UGT1A8: variants seen among roughly 807,000 people sequenced by gnomAD.
The protein encoded by UGT1A8 is UDP glucuronosyltransferase family 1 member A8, also known as UDP-glucuronosyltransferase 1A8.
UGT1A8 carries 39 observed loss-of-function variants against 45.3 expected under a neutral mutation model. That is an observed-to-expected ratio of 0.86 (90% CI 0.67 to 1.12). UGT1A8 has a LOEUF of 1.12. UGT1A8 is among the 50% of genes most tolerant of loss of function. The probability of loss-of-function intolerance (pLI) is 0.00; values close to 1 mark genes in which losing one functional copy is unlikely to be tolerated. For synonymous variants in UGT1A8, 275 were observed against 249.2 expected, an observed-to-expected ratio of 1.10 and a Z score of -0.97; for missense variants, 719 against 664.9, an observed-to-expected ratio of 1.08 and a Z score of -0.90.
chr2:233,690,518 A>G, intron 1 of UGT1A8: 1 of 1,289,690 alleles, frequency 7.8e-7, no homozygotes, highest in Non-Finnish European at 1.0e-6. Context: ...GTTTTATCTT[A>G]GGATCTACTT....
intron 1 of UGT1A8, chr2:233,682,655 A>G (rs894073173): frequency 6.2e-7 from 1 of 1,613,884 alleles, no homozygotes; most frequent in East Asian, 2.2e-5. Flanking sequence ...AACCCCTGTC[A>G]CGGCATATGA....
chr2:233,755,312 G>A (rs976147893), intron 1 of UGT1A8: 4 of 551,240 alleles, frequency 7.3e-6, no homozygotes, highest in South Asian at 3.7e-5. Flanking sequence ...CACAGCGAGC[G>A]GCAAGGCTGC....
chr2:233,652,944 A>G (rs1575402816), intron 1 of UGT1A8, among the ~76,000 whole-genome samples: 1 of 152,344 alleles, frequency 6.6e-6, no homozygotes, highest in East Asian at 1.9e-4. Flanking sequence ...TGTATGAGAA[A>G]CAACAACAAC....
rs945545582 is a variant in UGT1A8, at chr2:233,772,813, G to A, written c.*254G>A. On this transcript the variant is annotated 3_prime_UTR_variant, in exon 5 of 5. Coordinates refer to ENST00000373450, the MANE Select transcript of UGT1A8 (RefSeq NM_019076.5). ...TGACATGTGCCATTTTTCAGAGGAC[G>A]TGCAGACAGGCTGGCATTCTAGATT... 2 of 1,026,302 alleles carry A rather than the reference G, an allele frequency of 1.9e-6. No individual in the cohort carries two copies. Among genetic ancestry groups the A allele is most frequent in the Admixed American group, 3.1e-5 (1 of 32,076 alleles). 63.6% of individuals were successfully genotyped at this position (1,026,302 alleles called of 1,614,324 possible).
rs1469426427 is a variant in UGT1A8, at chr2:233,723,650, T to C, written c.856-43384T>C. Among the ~76,000 whole-genome samples, 5 of 102,194 alleles carry C rather than the reference T, an allele frequency of 4.9e-5. 1 individual carries two copies. Among genetic ancestry groups the C allele is most frequent in the African/African-American group, 1.4e-4 (3 of 21,894 alleles). 67.0% of individuals were successfully genotyped at this position (102,194 alleles called of 152,430 possible). A position where few individuals can be genotyped will look rare whatever the true frequency, so the allele number is the denominator to read the frequency against. On this transcript the variant is annotated intron_variant, in intron 1 of 4. Coordinates refer to ENST00000373450, the MANE Select transcript of UGT1A8 (RefSeq NM_019076.5). ...AGATAAACAAGTGAACAAAGGTCTC[T>C]GGTTTTCCCAGGCAGAGGACCCTGC...
At chr2:233,755,919 G>T (rs1439576672) in intron 1 of UGT1A8, 1 of 148,990 alleles carries the variant, frequency 6.7e-6, no homozygotes, top group Non-Finnish European at 1.5e-5. Context: ...GAGAAGAGTG[G>T]CATCGTTTTA....
intron 1 of UGT1A8, among the ~76,000 whole-genome samples, chr2:233,656,068 T>C (rs1404792004): frequency 6.6e-6 from 1 of 151,754 alleles, no homozygotes; most frequent in Non-Finnish European, 1.5e-5. Context: ...AGGGATGGGG[T>C]AGGAGCTTTA....
intron 1 of UGT1A8, among the ~76,000 whole-genome samples, chr2:233,668,535 T>G (rs2074122304): frequency 6.6e-6 from 1 of 152,234 alleles, no homozygotes; most frequent in Non-Finnish European, 1.5e-5. Flanking sequence ...TGTGTCTTTA[T>G]AGTACCATGA....
intron 1 of UGT1A8, among the ~76,000 whole-genome samples, chr2:233,759,074 G>A (rs550324440): frequency 5.3e-5 from 8 of 152,342 alleles, no homozygotes; most frequent in African/African-American, 1.9e-4. Flanking sequence ...GAATTTGGAA[G>A]AAAGAGACTT....
At chr2:233,703,008 A>T (rs1220956352) in intron 1 of UGT1A8, among the ~76,000 whole-genome samples, 1 of 152,230 alleles carries the variant, frequency 6.6e-6, no homozygotes, top group Admixed American at 6.5e-5. Context: ...TTTTGGGAAC[A>T]GTCTGTCAAG....
chr2:233,618,550 G>A lies in UGT1A8; in HGVS notation c.843G>A (p.Lys281=), dbSNP rs761828480. 5 of 1,613,270 alleles carry A rather than the reference G, an allele frequency of 3.1e-6. No homozygotes were observed. Among genetic ancestry groups the A allele is most frequent in the Middle Eastern group, 1.6e-4 (1 of 6,078 alleles). Residue 281 remains lysine (K), a synonymous_variant, in exon 1 of 5, where the codon AAG becomes AAA. Transcript: ENST00000373450. The stretch of plus-strand genomic sequence containing the variant: ...GTGGTATCAACTGCCATCAGGGAAA[G>A]CCATTGCCTATGGTAAGTCACCTCT... ...FIGGINCHQG[K]PLPMEFEAYI...
chr2:233,650,661 C>G lies in UGT1A8; in HGVS notation c.855+32099C>G, dbSNP rs369426959. Reference sequence around the variant, plus strand: ...TCAGTGATTTCACCATTCTTCCACTCATATCTCAGCATAAATTTTATGCTA... The same window carrying G: ...TCAGTGATTTCACCATTCTTCCACTGATATCTCAGCATAAATTTTATGCTA... On this transcript the variant is annotated intron_variant, in intron 1 of 4. Transcript: ENST00000373450. 6.6e-5 allele frequency among the ~76,000 whole-genome samples: 10 copies of G among 152,268 alleles called. No individual in the cohort carries two copies. In the East Asian group the frequency reaches 1.7e-3, roughly 26 times the overall value.
Position 233,672,096 on chromosome 2 carries a change from G to C in UGT1A8, c.855+53534G>C, listed in dbSNP as rs774353218. On this transcript the variant is annotated intron_variant, in intron 1 of 4. Coordinates refer to ENST00000373450, the MANE Select transcript of UGT1A8 (RefSeq NM_019076.5). ...AGAAACTCATTCTCAGGGGGCATGAGGTGGTTGTAGTCATGCCAGAGGTGA... is the reference window on the plus strand; with the variant it reads ...AGAAACTCATTCTCAGGGGGCATGACGTGGTTGTAGTCATGCCAGAGGTGA... The C allele has an allele frequency of 2.3e-5, 37 of 1,614,176 alleles. No individual in the cohort carries two copies. In the South Asian group the frequency reaches 4.0e-4, roughly 17 times the overall value.
At chr2:233,682,873 A>T (rs1025684504) in intron 1 of UGT1A8, 1 of 1,521,660 alleles carries the variant, frequency 6.6e-7, no homozygotes, top group African/African-American at 1.4e-5. Flanking sequence ...ATAATTTATC[A>T]TTTACATTTG....
At chr2:233,654,480 A>G (rs1469791806) in intron 1 of UGT1A8, among the ~76,000 whole-genome samples, 4 of 152,260 alleles carry the variant, frequency 2.6e-5, no homozygotes, top group Non-Finnish European at 5.9e-5. Context: ...AGTTTACAGC[A>G]GAGAGTCTCA....
chr2:233,709,294 T>C (rs1249684185), intron 1 of UGT1A8, among the ~76,000 whole-genome samples: 1 of 152,196 alleles, frequency 6.6e-6, no homozygotes, highest in Non-Finnish European at 1.5e-5. Flanking sequence ...CAATTAATGA[T>C]ATTTTCTATT....
rs779724745 is a variant in UGT1A8, at chr2:233,617,855, C to T, written c.148C>T (p.Leu50Phe). The change falls in exon 1 of 5, where the codon CTC (leucine) becomes TTC (phenylalanine). Residue 50 changes from leucine (L) to phenylalanine (F), a missense_variant. By Grantham distance (22) the Leu-to-Phe change is conservative. Coordinates refer to ENST00000373450, the MANE Select transcript of UGT1A8 (RefSeq NM_019076.5). ...TMQSVVEKLI[L>F]RGHEVVVVMP... Reference sequence around the variant, plus strand: ...GCAGTCGGTGGTGGAGAAACTTATCCTCAGGGGGCATGAGGTGGTTGTAGT... The same window carrying T: ...GCAGTCGGTGGTGGAGAAACTTATCTTCAGGGGGCATGAGGTGGTTGTAGT... The T allele has an allele frequency of 3.1e-6, 5 of 1,614,064 alleles. No individual in the cohort carries two copies. In the South Asian group the frequency reaches 4.4e-5, roughly 14 times the overall value.
At chr2:233,666,396 G>A (rs556515263) in intron 1 of UGT1A8, among the ~76,000 whole-genome samples, 3 of 152,234 alleles carry the variant, frequency 2.0e-5, no homozygotes, top group Admixed American at 2.0e-4. Context: ...CTATTTTAAC[G>A]GGATGTGGAT....
intron 1 of UGT1A8, chr2:233,719,612 C>T (rs147312289): frequency 3.1e-4 from 507 of 1,614,066 alleles, no homozygotes; most frequent in African/African-American, 5.3e-4. Flanking sequence ...TTGTGATGGA[C>T]TACCCCAGGC....
Sources: allele counts gnomAD v4.1 joint callset (sites outside exome capture counted in the v4.1 genomes callset), GRCh38; gene constraint gnomAD v4.1.1; transcripts MANE v1.5; gene names NCBI Gene and HGNC (gene_info 2026-07-23, HGNC 2026-07-21).